Variants in TTN observed in about 807,000 individuals in gnomAD.
TTN encodes connectin.
TTN carries 1,525 observed loss-of-function variants against 3,223.0 expected under a neutral mutation model. That is an observed-to-expected ratio of 0.47 (90% CI 0.45 to 0.49). The LOEUF is 0.49. Among genes scored for constraint, TTN ranks in the 20% least tolerant of loss-of-function variants. The pLI, the probability that TTN is intolerant of heterozygous loss-of-function variation, is 0.00. For synonymous variants in TTN, 14,094 were observed against 15,161.0 expected (o/e 0.93, Z 5.17); for missense variants, 40,786 against 43,424.0 (o/e 0.94, Z 5.40).
At chr2:178,706,396 G>A (rs2075872729) in intron 102 of TTN, 58 bp downstream of exon 102, 1 of 1,505,074 alleles carries the variant, frequency 6.6e-7, no homozygotes, top group Non-Finnish European at 8.9e-7. Flanking sequence ...GACTGTGGAT[G>A]CGGAACCCAC....
rs2048168330 is a variant in TTN at position 178,583,211 on chromosome 2, G to A, written c.65592C>T (p.Asp21864=). The A allele has an allele frequency of 6.2e-7, 1 of 1,603,974 alleles. No homozygotes were observed. The highest frequency in any genetic ancestry group is 1.7e-5 in the Admixed American group (1 of 59,468). Residue 21864 remains aspartate, a synonymous_variant, in exon 313 of 363, where the codon GAC becomes GAT. Transcript: ENST00000589042. The stretch of plus-strand genomic sequence containing the variant: ...GCAAAGATTTCATAGCCACACTCAG[G>A]TCTATCCTGGGAGGGACTGGAAAGA... ...ILAENVPPRI[D]LSVAMKSLLT... is the part of the protein sequence containing the mutation.
intron 218 of TTN, 77 bp downstream of exon 218, chr2:178,644,471 T>C (rs568770577): frequency 3.7e-6 from 4 of 1,077,666 alleles, no homozygotes; most frequent in African/African-American, 3.3e-5. Flanking sequence ...AGACAGAACA[T>C]TCGATGGAGG....
chr2:178,799,838 G>T lies in TTN; in HGVS notation c.656C>A (p.Thr219Asn). The T allele has an allele frequency of 6.2e-7, 1 of 1,614,140 alleles. No individual in the cohort carries two copies. Among genetic ancestry groups the T allele is most frequent in the African/African-American group, 1.3e-5 (1 of 75,036 alleles). Residue 219 changes from threonine (T) to asparagine (N), a missense_variant, in exon 5 of 363, where the codon ACC becomes AAC. By Grantham distance (65) the Thr-to-Asn change is moderately conservative. Coordinates refer to ENST00000589042, the MANE Select transcript of TTN (RefSeq NM_001267550.2). ...STAQISESRQTRIEKKIEAHF... is the reference protein window; with the variant it reads ...STAQISESRQNRIEKKIEAHF... ...ATAGAAAAATACCTTTTCAATTCGGGTTTGTCTTGATTCTGAGATCTGAGC... is the reference window on the plus strand; with the variant it reads ...ATAGAAAAATACCTTTTCAATTCGGTTTTGTCTTGATTCTGAGATCTGAGC...
At chr2:178,594,971 T>G (rs572899664) in intron 295 of TTN, among the ~76,000 whole-genome samples, 1 of 151,930 alleles carries the variant, frequency 6.6e-6, no homozygotes, top group South Asian at 2.1e-4. Context: ...AAAAAATCTG[T>G]GAGGTATAGA....
At position 178,594,182 on chromosome 2, in the gene TTN, A is replaced by G; in HGVS notation, c.58211T>C (p.Phe19404Ser). The stretch of plus-strand genomic sequence containing the variant: ...GCCTGAGTAACGGCCAGTGAGGGCA[A>G]AAGCTTCACCAACTCGAATCGTGAG... ...DKLTIRVGEAFALTGRYSGKP... is the reference protein window; with the variant it reads ...DKLTIRVGEASALTGRYSGKP... The change falls in exon 297 of 363, where the codon TTT becomes TCT. Residue 19404 changes from phenylalanine to serine, a missense_variant. Physicochemically the swap from Phe to Ser is radical, Grantham distance 155. Coordinates refer to ENST00000589042, the MANE Select transcript of TTN (RefSeq NM_001267550.2). 4 of 1,613,400 alleles carry G rather than the reference A, an allele frequency of 2.5e-6. No homozygotes were observed. Among genetic ancestry groups the G allele is most frequent in the Non-Finnish European group, 3.4e-6 (4 of 1,179,620 alleles).
rs371209083 is a variant in TTN at position 178,616,786 on chromosome 2, G to C, written c.48103C>G (p.Leu16035Val). ...SERSDKGIYT[L>V]KLENRVKTIS... Reference sequence around the variant, plus strand: ...GTTTTCACACGGTTTTCTAATTTCAGTGTATAAATGCCCTTGTCTGAACGT... The same window carrying C: ...GTTTTCACACGGTTTTCTAATTTCACTGTATAAATGCCCTTGTCTGAACGT... Residue 16035 changes from leucine (L) to valine (V), a missense_variant, in exon 256 of 363, where the codon CTG becomes GTG. Coordinates refer to ENST00000589042, the MANE Select transcript of TTN (RefSeq NM_001267550.2). 4 of 1,612,612 alleles carry C rather than the reference G, an allele frequency of 2.5e-6. No homozygotes were observed. The highest frequency in any genetic ancestry group is 3.4e-6 in the Non-Finnish European group (4 of 1,179,184).
Position 178,717,211 on chromosome 2 carries a change from T to C in TTN, c.25523A>G (p.Glu8508Gly), listed in dbSNP as rs2154298886. ...GAGAACTGTCAGAGTGGCAGTATTT[T>C]CTACCAAAGTCATCTTGTAGTTGCC... ...PGGNYKMTLV[E>G]NTATLTVLKV... The change falls in exon 88 of 363, where the codon GAA becomes GGA. Residue 8508 changes from glutamate to glycine, a missense_variant. Physicochemically the swap from Glu to Gly is moderately conservative, Grantham distance 98. Transcript: ENST00000589042. The C allele has an allele frequency of 1.2e-6, 2 of 1,613,658 alleles. No homozygotes were observed. Among genetic ancestry groups the C allele is most frequent in the East Asian group, 2.2e-5 (1 of 44,870 alleles).
chr2:178,599,173 C>G lies in TTN; in HGVS notation c.56620G>C (p.Glu18874Gln). ...AAGAGGTTTCTTGCTGTTTCAGGTT[C>G]ACTGTCAAGAGGTTCTCCAATGCCA... ...KYGIGEPLDS[E>Q]PETARNLFSV... Residue 18874 changes from glutamate (E) to glutamine (Q), a missense_variant, in exon 290 of 363, where the codon GAA becomes CAA. Transcript: ENST00000589042. 1 of 1,506,818 alleles carries G rather than the reference C, an allele frequency of 6.6e-7. No homozygotes were observed. The highest frequency in any genetic ancestry group is 8.8e-7 in the Non-Finnish European group (1 of 1,131,924). 93.3% of individuals were successfully genotyped at this position (1,506,818 alleles called of 1,614,324 possible).
At position 178,651,254 on chromosome 2, in the gene TTN, G is replaced by T. The variant is rs200322629; in HGVS notation, c.39614C>A (p.Pro13205Gln). 6.2e-7 allele frequency: 1 copy of T among 1,612,996 alleles called. No homozygotes were observed. Among genetic ancestry groups the T allele is most frequent in the South Asian group, 1.1e-5 (1 of 90,970 alleles). ...TTAGTGACATGTACCTTTTGCTGGT[G>T]GGACTTCTGGCTTTTTGGGAACAGC... Reference protein sequence around the residue: ...KVAVPKKPEVPPAKVPEVPKK... With the variant: ...KVAVPKKPEVQPAKVPEVPKK... Residue 13205 changes from proline (P) to glutamine (Q), a missense_variant, in exon 208 of 363, where the codon CCA becomes CAA. By Grantham distance (76) the Pro-to-Gln change is moderately conservative. Coordinates refer to ENST00000589042, the MANE Select transcript of TTN (RefSeq NM_001267550.2).
At position 178,538,762 on chromosome 2, in the gene TTN, C is replaced by T. The variant is rs757929496; in HGVS notation, c.99067G>A (p.Glu33023Lys). 6.2e-7 allele frequency: 1 copy of T among 1,613,724 alleles called. No individual in the cohort carries two copies. Among genetic ancestry groups the T allele is most frequent in the Non-Finnish European group, 8.5e-7 (1 of 1,179,728 alleles). The change falls in exon 354 of 363, where the codon GAA becomes AAA. Residue 33023 changes from glutamate to lysine, a missense_variant. By Grantham distance (56) the Glu-to-Lys change is moderately conservative. Transcript: ENST00000589042. Reference sequence around the variant, plus strand: ...AGAATTTCTTTACCACCATCACATTCAGGTTTCTCCCACTGTAGAGTGACA... The same window carrying T: ...AGAATTTCTTTACCACCATCACATTTAGGTTTCTCCCACTGTAGAGTGACA... Reference protein sequence around the residue: ...DSVTLQWEKPECDGGKEILGY... With the variant: ...DSVTLQWEKPKCDGGKEILGY...
Position 178,612,868 on chromosome 2 carries a change from C to T in TTN, c.49853G>A (p.Gly16618Glu), listed in dbSNP as rs767129130. ...TCTAACTCGGAATGAGTATTCCTGT[C>T]CTTCCATGAGCCCTGGGAGCAAGTG... Reference protein sequence around the residue: ...TQHLLPGLMEGQEYSFRVRAV... With the variant: ...TQHLLPGLMEEQEYSFRVRAV... The change falls in exon 265 of 363, where the codon GGA (glycine) becomes GAA (glutamate). Residue 16618 changes from glycine (G) to glutamate (E), a missense_variant. Gly to Glu is a moderately conservative substitution (Grantham distance 98). Coordinates refer to ENST00000589042, the MANE Select transcript of TTN (RefSeq NM_001267550.2). 2 of 1,612,588 alleles carry T rather than the reference C, an allele frequency of 1.2e-6. No homozygotes were observed. The highest frequency in any genetic ancestry group is 1.7e-6 in the Non-Finnish European group (2 of 1,179,234).
intron 344 of TTN, 48 bp downstream of exon 344, chr2:178,545,340 A>G: frequency 3.4e-6 from 5 of 1,484,854 alleles, no homozygotes; most frequent in Non-Finnish European, 4.5e-6. Flanking sequence ...ATTATCTGTC[A>G]TATAGTTTTG....
rs1689096888 is a variant in TTN at position 178,531,497 on chromosome 2, C to A, written c.105118G>T (p.Ala35040Ser). 1 of 1,613,904 alleles carries A rather than the reference C, an allele frequency of 6.2e-7. No homozygotes were observed. The highest frequency in any genetic ancestry group is 1.3e-5 in the African/African-American group (1 of 75,044). The change falls in exon 358 of 363, where the codon GCT (alanine) becomes TCT (serine). Residue 35040 changes from alanine (A) to serine (S), a missense_variant. Coordinates refer to ENST00000589042, the MANE Select transcript of TTN (RefSeq NM_001267550.2). Reference protein sequence around the residue: ...DVTGGDYTTYASQRRDEEVPR... With the variant: ...DVTGGDYTTYSSQRRDEEVPR... Reference sequence around the variant, plus strand: ...ACCTCTTCATCTCTGCGTTGGGAAGCATAGGTGGTATAATCCCCTCCTGTC... The same window carrying A: ...ACCTCTTCATCTCTGCGTTGGGAAGAATAGGTGGTATAATCCCCTCCTGTC...
Position 178,547,226 on chromosome 2 carries a change from G to A in TTN, c.94299C>T (p.Tyr31433=). The change falls in exon 340 of 363, where the codon TAC becomes TAT. Residue 31433 remains tyrosine (Y), a synonymous_variant. Transcript: ENST00000589042. ...NAMSIRWEEP[Y]HDGGSKIIGY... ...CAATGATTTTACTGCCACCATCGTG[G>A]TAGGGTTCTTCCCAACGAATAGACA... The A allele has an allele frequency of 1.9e-6, 3 of 1,613,826 alleles. No individual in the cohort carries two copies. The highest frequency in any genetic ancestry group is 2.2e-5 in the South Asian group (2 of 91,080).
At position 178,592,452 on chromosome 2, in the gene TTN, A is replaced by G; in HGVS notation, c.59553T>C (p.Asp19851=). ...CCACTGTTAAAGAATAAATTCCACC[A>G]TCTTCATGGGCAGCATTACGAATTT... ...KLEIRNAAHE[D]GGIYSLTVEN... is the part of the protein sequence containing the mutation. Residue 19851 remains aspartate (D), a synonymous_variant, in exon 301 of 363, where the codon GAT becomes GAC. Coordinates refer to ENST00000589042, the MANE Select transcript of TTN (RefSeq NM_001267550.2). 6.2e-7 allele frequency: 1 copy of G among 1,613,510 alleles called. No homozygotes were observed.
chr2:178,598,062 G>A lies in TTN; in HGVS notation c.57112-4C>T, dbSNP rs117072049. On this transcript the variant is annotated splice_region_variant and splice_polypyrimidine_tract_variant and intron_variant, in intron 292 of 362. Coordinates refer to ENST00000589042, the MANE Select transcript of TTN (RefSeq NM_001267550.2). ...CTCTCACTTCTTTATCTTTACCCTG[G>A]GGAGAAATCATAGACATTTTATAAT... 2.8e-4 allele frequency: 458 copies of A among 1,609,482 alleles called. 4 individuals are homozygous for A. In the East Asian group the frequency reaches 0.01, roughly 35 times the overall value.
In TTN at chr2:178,649,320, G is replaced by C. The variant is rs1576918751; in HGVS notation, c.39985C>G (p.Pro13329Ala). The change falls in exon 213 of 363, where the codon CCC (proline) becomes GCC (alanine). Residue 13329 changes from proline (P) to alanine (A), a missense_variant. Transcript: ENST00000589042. Reference protein sequence around the residue: ...ETPAAKVPEVPKKLVPVKKEP... With the variant: ...ETPAAKVPEVAKKLVPVKKEP... ...TTCTTTACTGGAACAAGTTTCTTGG[G>C]CACCTCAGGCACTTTGAAGATATTA... 6 of 1,453,588 alleles carry C rather than the reference G, an allele frequency of 4.1e-6. No homozygotes were observed. In the South Asian group the frequency reaches 6.1e-5, roughly 15 times the overall value. The allele number at this position is 1,453,588 out of a possible 1,614,324, so 90.0% of individuals were successfully genotyped here.
intron 17 of TTN, 57 bp from the exon 18 acceptor site, chr2:178,783,121 T>G: frequency 6.3e-7 from 1 of 1,594,098 alleles, no homozygotes; most frequent in Non-Finnish European, 8.6e-7. Context: ...TAATCACTTC[T>G]GTTTTGTAAC....
intron 46 of TTN, 47 bp from the exon 47 acceptor site, chr2:178,753,227 T>C: frequency 7.0e-7 from 1 of 1,423,222 alleles, no homozygotes; most frequent in African/African-American, 1.4e-5. Flanking sequence ...TAATTGCATA[T>C]ATTTTCTGCA....
Sources: gnomAD v4.1 joint callset for allele counts (sites outside exome capture counted in the v4.1 genomes callset) on GRCh38, gnomAD v4.1.1 for gene constraint, MANE v1.5 for transcripts, NCBI Gene and HGNC (gene_info 2026-07-23, HGNC 2026-07-21) for gene names.